Variants in DMD observed in about 807,000 individuals in gnomAD.
DMD encodes the protein dystrophin.
DMD carries 63 observed loss-of-function variants against 330.1 expected under a neutral mutation model. That is an observed-to-expected ratio of 0.19 (90% CI 0.16 to 0.24). The LOEUF (loss-of-function observed/expected upper bound fraction) is 0.24, where lower values mean the gene tolerates loss of function less well. DMD is among the 10% of genes least tolerant of loss of function. The probability of loss-of-function intolerance (pLI) is 1.00; values close to 1 mark genes in which losing one functional copy is unlikely to be tolerated. For missense variants in DMD, 3,344 were observed against 2,684.1 expected (o/e 1.25, Z -5.43); for synonymous variants, 1,223 against 959.8 (o/e 1.27, Z -5.07).
At chrX:31,963,581 G>A (rs775959880) in intron 45 of DMD, among the ~76,000 whole-genome samples, 25 of 110,720 alleles carry the variant, frequency 2.3e-4, no homozygotes, top group African/African-American at 7.9e-4. Context: ...CCAGATGTAC[G>A]TTTCTACGTA....
intron 45 of DMD, among the ~76,000 whole-genome samples, chrX:31,944,626 C>T (rs1168339895): frequency 4.7e-5 from 5 of 105,423 alleles, no homozygotes; most frequent in Non-Finnish European, 9.7e-5. Context: ...TACAGGCGCC[C>T]GCCACCACTC....
chrX:32,677,441 G>T (rs1159979628), intron 9 of DMD, among the ~76,000 whole-genome samples: 3 of 111,073 alleles, frequency 2.7e-5, no homozygotes, highest in Admixed American at 9.6e-5. Context: ...CAAAGAAGTT[G>T]ACCTCTAAAC....
intron 60 of DMD, among the ~76,000 whole-genome samples, chrX:31,370,397 T>C (rs927598777): frequency 2.7e-5 from 3 of 111,988 alleles, no homozygotes; most frequent in Admixed American, 9.5e-5. Flanking sequence ...GACATTTCAA[T>C]GAGGAGGATA....
At chrX:32,984,020 T>G (rs766846231) in intron 2 of DMD, among the ~76,000 whole-genome samples, 1 of 111,938 alleles carries the variant, frequency 8.9e-6, no homozygotes, top group Non-Finnish European at 1.9e-5. Context: ...CTATGTCCTT[T>G]ACCGTTTTTT....
chrX:32,028,925 G>GTAT (rs2095865105), intron 44 of DMD, among the ~76,000 whole-genome samples: 1 of 111,167 alleles, frequency 9.0e-6, no homozygotes, highest in Non-Finnish European at 1.9e-5. Flanking sequence ...CTTTTACTTA[G>GTAT]TACTAGTAAA....
At chrX:31,526,079 G>A (rs904428801) in intron 55 of DMD, among the ~76,000 whole-genome samples, 17 of 112,317 alleles carry the variant, frequency 1.5e-4, no homozygotes, top group Non-Finnish European at 2.6e-4. Context: ...AGTTGCTACT[G>A]TTTGCTGTTA....
chrX:32,428,832 G>A (rs754839976), intron 29 of DMD, among the ~76,000 whole-genome samples: 96 of 111,295 alleles, frequency 8.6e-4, no homozygotes, highest in Non-Finnish European at 1.5e-3. Flanking sequence ...GATTGGTCTC[G>A]AACTCCTGAC....
At position 32,711,171 on chromosome X, in the gene DMD, G is replaced by T. The variant is rs188703360; in HGVS notation, c.650-11878C>A. On this transcript the variant is annotated intron_variant, in intron 7 of 78. Transcript: ENST00000357033. ...AATTTCTTCTTTCCTTTTCTCAGTG[G>T]CTGGATGAGGGTTAAAACTGATATG... Among the ~76,000 whole-genome samples, 12 of 111,078 alleles carry T rather than the reference G, an allele frequency of 1.1e-4. No individual in the cohort carries two copies. The East Asian group carries it at 2.0e-3, about 18-fold the overall frequency.
intron 44 of DMD, among the ~76,000 whole-genome samples, chrX:32,182,395 A>G (rs1470967149): frequency 8.9e-6 from 1 of 111,780 alleles, no homozygotes. Context: ...TGTAATAAAA[A>G]AATCTAACAT....
chrX:32,950,083 C>A (rs375401212), intron 2 of DMD, among the ~76,000 whole-genome samples: 1 of 106,110 alleles, frequency 9.4e-6, no homozygotes, highest in African/African-American at 3.5e-5. Context: ...TTTTAGAAAC[C>A]AGTATCCTAT....
At chrX:32,285,892 G>T (rs1202179359) in intron 43 of DMD, among the ~76,000 whole-genome samples, 2 of 110,281 alleles carry the variant, frequency 1.8e-5, no homozygotes. Context: ...TGGAGACAAG[G>T]TTTCACCATG....
chrX:32,095,650 G>T, intron 44 of DMD, among the ~76,000 whole-genome samples: 1 of 112,161 alleles, frequency 8.9e-6, no homozygotes, highest in Non-Finnish European at 1.9e-5. Context: ...TATAAATTTT[G>T]TAAATGTGAA....
chrX:31,794,014 G>A (rs1288243090), intron 50 of DMD, among the ~76,000 whole-genome samples: 1 of 110,702 alleles, frequency 9.0e-6, no homozygotes, highest in Non-Finnish European at 1.9e-5. Context: ...ATTGGTATAG[G>A]TTACATACAA....
chrX:31,608,835 TAA>T (rs1325979707), intron 55 of DMD, among the ~76,000 whole-genome samples: 1 of 111,428 alleles, frequency 9.0e-6, no homozygotes, highest in Non-Finnish European at 1.9e-5. Flanking sequence ...GGCCAACCCC[TAA>T]GACTAGGGGT....
At chrX:31,392,123 T>G (rs1004390909) in intron 60 of DMD, among the ~76,000 whole-genome samples, 1 of 112,049 alleles carries the variant, frequency 8.9e-6, no homozygotes, top group South Asian at 3.7e-4. Flanking sequence ...CAAAGAGATG[T>G]TAGGGAGACA....
intron 7 of DMD, among the ~76,000 whole-genome samples, chrX:32,762,094 T>G (rs1603377697): frequency 9.4e-6 from 1 of 106,191 alleles, no homozygotes; most frequent in East Asian, 3.0e-4. Context: ...GAGGTTGCAG[T>G]GAGGCCAGAT....
At chrX:33,003,100 T>C (rs1344063551) in intron 2 of DMD, among the ~76,000 whole-genome samples, 2 of 109,954 alleles carry the variant, frequency 1.8e-5, no homozygotes, top group African/African-American at 6.6e-5. Context: ...ACCTGAGAAG[T>C]ATACACCGTA....
At chrX:32,099,507 G>A (rs968616478) in intron 44 of DMD, among the ~76,000 whole-genome samples, 9 of 109,948 alleles carry the variant, frequency 8.2e-5, no homozygotes, top group African/African-American at 3.0e-4. Context: ...GTCCAACAAT[G>A]ATAGACTGGA....
intron 2 of DMD, among the ~76,000 whole-genome samples, chrX:32,908,625 G>T (rs2086929518): frequency 9.0e-6 from 1 of 111,009 alleles, no homozygotes; most frequent in African/African-American, 3.3e-5. Flanking sequence ...GCACTAACCG[G>T]GATCACTTCA....
Sources: gnomAD v4.1 joint callset for allele counts (sites outside exome capture counted in the v4.1 genomes callset) on GRCh38, gnomAD v4.1.1 for gene constraint, MANE v1.5 for transcripts, NCBI Gene and HGNC (gene_info 2026-07-23, HGNC 2026-07-21) for gene names.